Variants in SLC38A4 observed in about 807,000 individuals in gnomAD.
SLC38A4 encodes the protein solute carrier family 38 member 4.
A neutral mutation model predicts 63.1 loss-of-function variants in SLC38A4; 20 were observed. The observed-to-expected ratio is 0.32, with a 90% CI of 0.22 to 0.46. The LOEUF (loss-of-function observed/expected upper bound fraction) is 0.46, where lower values mean the gene tolerates loss of function less well. Ranked by LOEUF, SLC38A4 falls within the 20% of genes least tolerant of loss-of-function variation. SLC38A4 has a pLI of 1.00. For missense variants in SLC38A4, 526 were observed against 663.6 expected (o/e 0.79, Z 2.28); for synonymous variants, 230 against 225.5 (o/e 1.02, Z -0.18).
upstream of SLC38A4, among the ~76,000 whole-genome samples, chr12:46,829,459 A>G (rs1039208673): frequency 4.8e-5 from 7 of 147,188 alleles, no homozygotes; most frequent in African/African-American, 1.8e-4. Flanking sequence ...AAAAAAAAAA[A>G]GGAGGGTTAA....
Position 46,793,038 on chromosome 12 carries a change from C to T in SLC38A4, c.34G>A (p.Glu12Lys), listed in dbSNP as rs764640245. The T allele has an allele frequency of 3.0e-5, 48 of 1,612,964 alleles. No homozygotes were observed. Among genetic ancestry groups the T allele is most frequent in the Non-Finnish European group, 4.0e-5 (47 of 1,179,346 alleles). Reference protein sequence around the residue: ...DPMELRNVNIEPDDESSSGES... With the variant: ...DPMELRNVNIKPDDESSSGES... ...CCACTGCTGCTCTCATCATCTGGTT[C>T]GATGTTGACATTTCTCAGTTCCATG... Residue 12 changes from glutamate to lysine, a missense_variant, in exon 3 of 17, where the codon GAA becomes AAA. Coordinates refer to ENST00000266579, the MANE Select transcript of SLC38A4 (RefSeq NM_018018.5).
At chr12:46,825,629 G>A (rs1939634857) in intron 1 of SLC38A4, among the ~76,000 whole-genome samples, 1 of 151,930 alleles carries the variant, frequency 6.6e-6, no homozygotes, top group Admixed American at 6.6e-5. Flanking sequence ...TTGGTCATAC[G>A]GTTTTAAAGA....
intron 1 of SLC38A4, among the ~76,000 whole-genome samples, chr12:46,822,434 G>C (rs1049252814): frequency 6.6e-6 from 1 of 152,118 alleles, no homozygotes; most frequent in Non-Finnish European, 1.5e-5. Context: ...TCTTATGACA[G>C]CAATTAGGGT....
Position 46,776,879 on chromosome 12 carries a change from G to A in SLC38A4, c.1174+25C>T, listed in dbSNP as rs542750618. On this transcript the variant is annotated intron_variant, in intron 13 of 16. Transcript: ENST00000266579. ...CCAGCCTAACAAGGATTTGCATATA[G>A]AGAATGACTTTCAGAGTGACCTACC... 1.3e-5 allele frequency: 21 copies of A among 1,598,178 alleles called. No homozygotes were observed. In the African/African-American group the frequency reaches 2.1e-4, roughly 16 times the overall value.
At chr12:46,809,045 C>A (rs187666510) in intron 1 of SLC38A4, among the ~76,000 whole-genome samples, 200 of 152,088 alleles carry the variant, frequency 1.3e-3, no homozygotes, top group African/African-American at 4.7e-3. Flanking sequence ...TCCTGCCTGT[C>A]CCTACCAGAA....
At chr12:46,775,023 C>T (rs745822172) in intron 14 of SLC38A4, 26 bp downstream of exon 14, 5 of 1,607,930 alleles carry the variant, frequency 3.1e-6, no homozygotes, top group Non-Finnish European at 3.4e-6. Flanking sequence ...AAGTAGGTTT[C>T]TTTCATCAAA....
At position 46,766,458 on chromosome 12, in the gene SLC38A4, T is replaced by G. The variant is rs117433039; in HGVS notation, c.*243A>C. 2 of 610,128 alleles carry G rather than the reference T, an allele frequency of 3.3e-6. No individual in the cohort carries two copies. Among genetic ancestry groups the G allele is most frequent in the South Asian group, 3.0e-5 (2 of 65,974 alleles). The allele number at this position is 610,128 out of a possible 1,614,324, so 37.8% of individuals were successfully genotyped here. ...AAAATACACCTTCATCATCTCACACTGCTCTAGCAAAACCTGGGTAGAAAT... is the reference window on the plus strand; with the variant it reads ...AAAATACACCTTCATCATCTCACACGGCTCTAGCAAAACCTGGGTAGAAAT... On this transcript the variant is annotated 3_prime_UTR_variant, in exon 17 of 17. Transcript: ENST00000266579.
intron 16 of SLC38A4, among the ~76,000 whole-genome samples, chr12:46,767,757 A>G (rs957517236): frequency 5.9e-5 from 9 of 152,128 alleles, no homozygotes; most frequent in Middle Eastern, 3.2e-3. Flanking sequence ...TTTCTATAGT[A>G]GTCTTATGGA....
At chr12:46,766,823 G>T (rs766272471) in intron 16 of SLC38A4, 21 bp from the exon 17 acceptor site, 15 of 1,528,258 alleles carry the variant, frequency 9.8e-6, no homozygotes, top group Middle Eastern at 3.4e-4. Flanking sequence ...GAGAGACTCT[G>T]TTAGGAGCAC....
chr12:46,802,828 A>G (rs1297212769), intron 2 of SLC38A4, among the ~76,000 whole-genome samples: 1 of 151,984 alleles, frequency 6.6e-6, no homozygotes, highest in Non-Finnish European at 1.5e-5. Context: ...AACCATCCAC[A>G]TATGCTCTGT....
At chr12:46,769,544 G>C in intron 14 of SLC38A4, 116 bp from the exon 15 acceptor site, 1 of 1,145,238 alleles carries the variant, frequency 8.7e-7, no homozygotes, top group African/African-American at 1.6e-5. Context: ...TCCCAGAAAA[G>C]ATGTTGATGC....
intron 5 of SLC38A4, 40 bp from the exon 6 acceptor site, chr12:46,785,217 A>G (rs1388564692): frequency 2.1e-6 from 3 of 1,422,088 alleles, no homozygotes; most frequent in Non-Finnish European, 3.0e-6. Context: ...AGTTTCTACA[A>G]TAAATAAAAT....
Position 46,764,832 on chromosome 12 carries a change from T to C in SLC38A4, c.*1869A>G, listed in dbSNP as rs1249814949. 2 of 152,566 alleles carry C rather than the reference T, an allele frequency of 1.3e-5. No individual in the cohort carries two copies. The highest frequency in any genetic ancestry group is 2.4e-5 in the African/African-American group (1 of 41,456). 9.5% of individuals were successfully genotyped at this position (152,566 alleles called of 1,614,324 possible). On this transcript the variant is annotated 3_prime_UTR_variant, in exon 17 of 17. Coordinates refer to ENST00000266579, the MANE Select transcript of SLC38A4 (RefSeq NM_018018.5). ...AATAAAAAAGAAGCCTCCCAATACA[T>C]TGAGCCATCTTATAAATGAAATAAG...
intron 1 of SLC38A4, among the ~76,000 whole-genome samples, chr12:46,821,315 C>A (rs537967736): frequency 3.3e-5 from 5 of 152,072 alleles, no homozygotes; most frequent in Admixed American, 6.6e-5. Context: ...AGTTTTTAAT[C>A]CATTTTTAGT....
Position 46,775,268 on chromosome 12 carries a change from G to A in SLC38A4, c.1175-95C>T. On this transcript the variant is annotated intron_variant, in intron 13 of 16. Transcript: ENST00000266579. ...TTTATAGAGAGAACACAGAACAGAG[G>A]AAAAGACCTAGGCCTGGGAATCCAG... The A allele has an allele frequency of 2.1e-6, 3 of 1,447,132 alleles. No homozygotes were observed. In the East Asian group the frequency reaches 7.2e-5, roughly 35 times the overall value. The allele number at this position is 1,447,132 out of a possible 1,614,324, so 89.6% of individuals were successfully genotyped here.
chr12:46,764,801 T>G lies in SLC38A4; in HGVS notation c.*1900A>C, dbSNP rs1938262441. The stretch of plus-strand genomic sequence containing the variant: ...CATTTATTATATACCAATATACACT[T>G]TCTGTAATAAAAAAGAAGCCTCCCA... On this transcript the variant is annotated 3_prime_UTR_variant, in exon 17 of 17. Transcript: ENST00000266579. 1 of 152,430 alleles carries G rather than the reference T, an allele frequency of 6.6e-6. No individual in the cohort carries two copies. The highest frequency in any genetic ancestry group is 2.4e-5 in the African/African-American group (1 of 41,460). The allele number at this position is 152,430 out of a possible 1,614,324, so 9.4% of individuals were successfully genotyped here. A position where few individuals can be genotyped will look rare whatever the true frequency, so the allele number is the denominator to read the frequency against.
chr12:46,798,598 A>C (rs1003806431), intron 2 of SLC38A4, among the ~76,000 whole-genome samples: 5 of 152,154 alleles, frequency 3.3e-5, no homozygotes, highest in Non-Finnish European at 5.9e-5. Context: ...TGCAGTCCAA[A>C]AGCTTCAGTT....
At chr12:46,768,627 T>G (rs1220006069) in intron 15 of SLC38A4, among the ~76,000 whole-genome samples, 3 of 152,120 alleles carry the variant, frequency 2.0e-5, no homozygotes, top group Non-Finnish European at 4.4e-5. Context: ...TGCATAAGTA[T>G]ATGCAACATA....
At chr12:46,814,533 T>C (rs1204066198) in intron 1 of SLC38A4, among the ~76,000 whole-genome samples, 2 of 151,916 alleles carry the variant, frequency 1.3e-5, no homozygotes, top group Non-Finnish European at 2.9e-5. Flanking sequence ...CCCAAAGATG[T>C]ACCACGACAC....
Sources: gnomAD v4.1 joint callset for allele counts (sites outside exome capture counted in the v4.1 genomes callset) on GRCh38, gnomAD v4.1.1 for gene constraint, MANE v1.5 for transcripts, NCBI Gene and HGNC (gene_info 2026-07-23, HGNC 2026-07-21) for gene names.